SNX27: variants seen among roughly 807,000 people sequenced by gnomAD.
SNX27 encodes the protein sorting nexin 27, also known as sorting nexin-27.
In SNX27, 22 loss-of-function variants were observed where a neutral mutation model predicts 71.6. That is an observed-to-expected ratio of 0.31 (90% CI 0.22 to 0.44). The LOEUF (loss-of-function observed/expected upper bound fraction) is 0.44. Ranked by LOEUF, SNX27 falls within the 20% of genes least tolerant of loss-of-function variation. The probability of loss-of-function intolerance (pLI) is 1.00; values close to 1 mark genes in which losing one functional copy is unlikely to be tolerated. For synonymous variants in SNX27, 269 were observed against 277.2 expected, an observed-to-expected ratio of 0.97 and a Z score of 0.29; for missense variants, 531 against 698.6, an observed-to-expected ratio of 0.76 and a Z score of 2.70.
At chr1:151,684,417 C>T (rs192192299) in intron 8 of SNX27, among the ~76,000 whole-genome samples, 43 of 152,240 alleles carry the variant, frequency 2.8e-4, no homozygotes, top group African/African-American at 9.9e-4. Flanking sequence ...AAAGTTTTGC[C>T]GAACAGGGCT....
At chr1:151,633,682 C>G (rs184742313) in intron 1 of SNX27, among the ~76,000 whole-genome samples, 2 of 152,330 alleles carry the variant, frequency 1.3e-5, no homozygotes, top group Non-Finnish European at 2.9e-5. Context: ...ATAGTTTTGT[C>G]TATTCCAGAA....
At chr1:151,643,682 CAG>C (rs1668893027) in intron 2 of SNX27, among the ~76,000 whole-genome samples, 1 of 151,532 alleles carries the variant, frequency 6.6e-6, no homozygotes, top group African/African-American at 2.4e-5. Flanking sequence ...ATTTTTTAGA[CAG>C]AGTTTCGCTC....
intron 1 of SNX27, among the ~76,000 whole-genome samples, chr1:151,620,729 G>A (rs1478804578): frequency 1.4e-5 from 2 of 143,494 alleles, no homozygotes; most frequent in East Asian, 2.0e-4. Flanking sequence ...TTGCTCTGTC[G>A]CCTAGGCTGG....
chr1:151,637,393 A>T (rs1308424028), intron 1 of SNX27, among the ~76,000 whole-genome samples: 2 of 151,902 alleles, frequency 1.3e-5, no homozygotes, highest in Non-Finnish European at 2.9e-5. Flanking sequence ...TTAGCCAGGA[A>T]GGTCTTGATC....
intron 1 of SNX27, among the ~76,000 whole-genome samples, chr1:151,625,956 A>T (rs942664161): frequency 1.3e-5 from 2 of 151,802 alleles, no homozygotes; most frequent in African/African-American, 4.8e-5. Flanking sequence ...TCACCAAAAA[A>T]AAAATAAAAT....
intron 2 of SNX27, among the ~76,000 whole-genome samples, chr1:151,651,497 C>G (rs545699185): frequency 6.7e-5 from 10 of 149,652 alleles, no homozygotes; most frequent in African/African-American, 1.9e-4. Context: ...AGGCGGTTGC[C>G]GGGCAGAGGG....
At chr1:151,663,256 T>A (rs930553696) in intron 5 of SNX27, among the ~76,000 whole-genome samples, 1 of 151,892 alleles carries the variant, frequency 6.6e-6, no homozygotes, top group Non-Finnish European at 1.5e-5. Flanking sequence ...GTTCACGCTA[T>A]TCTCCTGCCT....
Position 151,663,173 on chromosome 1 carries a change from C to T in SNX27, c.906+903C>T, listed in dbSNP as rs555437103. Among the ~76,000 whole-genome samples, 4 of 145,890 alleles carry T rather than the reference C, an allele frequency of 2.7e-5. No homozygotes were observed. The East Asian group carries it at 6.0e-4, about 22-fold the overall frequency. ...TTTGATTTTTTTTTTTTTTTTGAGA[C>T]GGAGTCTTGCTCTGTCGCCCAGACT... On this transcript the variant is annotated intron_variant, in intron 5 of 11. Transcript: ENST00000458013.
chr1:151,698,966 T>C lies in SNX27; in HGVS notation c.*4549T>C, dbSNP rs1671916355. ...TACACAGACACAATAATGGCTAACA[T>C]TGTTTCTTTCATTCCTTGTTCTAGA... On this transcript the variant is annotated 3_prime_UTR_variant, in exon 12 of 12. Coordinates refer to ENST00000458013, the MANE Select transcript of SNX27 (RefSeq NM_001330723.2). 2 of 152,800 alleles carry C rather than the reference T, an allele frequency of 1.3e-5. No individual in the cohort carries two copies. The highest frequency in any genetic ancestry group is 4.1e-4 in the South Asian group (2 of 4,832). The allele number at this position is 152,800 out of a possible 1,614,324, so 9.5% of individuals were successfully genotyped here.
chr1:151,686,234 C>G (rs912964752), intron 8 of SNX27, among the ~76,000 whole-genome samples: 13 of 152,236 alleles, frequency 8.5e-5, no homozygotes, highest in Admixed American at 2.0e-4. Context: ...CACTATCTTT[C>G]CATCTATGTA....
chr1:151,667,129 G>C (rs1670222917), intron 6 of SNX27: 1 of 151,352 alleles, frequency 6.6e-6, no homozygotes, highest in Non-Finnish European at 1.5e-5. Context: ...GACACATGCA[G>C]GCGGTCCAAG....
At chr1:151,639,819 A>C (rs1187397549) in intron 2 of SNX27, among the ~76,000 whole-genome samples, 2 of 152,102 alleles carry the variant, frequency 1.3e-5, no homozygotes, top group Non-Finnish European at 2.9e-5. Flanking sequence ...CAGTCTACTT[A>C]ATTTTTCTTT....
intron 2 of SNX27, among the ~76,000 whole-genome samples, chr1:151,641,694 T>TATATATGATATATATAG (rs1668757463): frequency 3.1e-5 from 4 of 127,620 alleles, no homozygotes; most frequent in Admixed American, 8.7e-5. Flanking sequence ...GATATATATA[T>TATATATGATATATATAG]CATATATATG....
chr1:151,658,036 C>T (rs1202141778), intron 2 of SNX27, among the ~76,000 whole-genome samples, 199 bp from the exon 3 acceptor site: 4 of 151,986 alleles, frequency 2.6e-5, no homozygotes, highest in Non-Finnish European at 5.9e-5. Flanking sequence ...AGATCATGCT[C>T]CTTTGGTAGT....
chr1:151,652,217 A>ACCGTG (rs1364398767), intron 2 of SNX27, among the ~76,000 whole-genome samples: 7 of 65,538 alleles, frequency 1.1e-4, no homozygotes, highest in Non-Finnish European at 1.4e-4. Flanking sequence ...GGAGAGGGAG[A>ACCGTG]GGGAGAGGGA....
rs61159507 is a variant in SNX27 at position 151,692,406 on chromosome 1, C to CTTTT, written c.1240-6_1240-3dup. The CTTTT allele has an allele frequency of 1.7e-3, 1,426 of 854,478 alleles. 82 individuals carry two copies. Among genetic ancestry groups the CTTTT allele is most frequent in the South Asian group, 2.3e-3 (123 of 53,302 alleles). 52.9% of individuals were successfully genotyped at this position (854,478 alleles called of 1,614,324 possible). A position where few individuals can be genotyped will look rare whatever the true frequency, so the allele number is the denominator to read the frequency against. ...TAACCCTGTTTCCTGTTTCTCCTTC[C>CTTTT]TTTTTTTTTTTTTTTTTTTTTTTTT... On this transcript the variant is annotated intron_variant, in intron 8 of 11. Coordinates refer to ENST00000458013, the MANE Select transcript of SNX27 (RefSeq NM_001330723.2).
intron 8 of SNX27, among the ~76,000 whole-genome samples, chr1:151,686,442 TAGAC>T (rs1421029592): frequency 1.8e-4 from 28 of 152,376 alleles, no homozygotes; most frequent in Admixed American, 7.8e-4. Flanking sequence ...GTATAGTTGA[TAGAC>T]AGATATGTTT....
At chr1:151,617,862 T>C (rs1667490945) in intron 1 of SNX27, among the ~76,000 whole-genome samples, 1 of 149,476 alleles carries the variant, frequency 6.7e-6, no homozygotes, top group Admixed American at 6.9e-5. Flanking sequence ...CTTGAATATT[T>C]TCTCTTTTTA....
At chr1:151,656,572 C>T (rs1669701337) in intron 2 of SNX27, among the ~76,000 whole-genome samples, 1 of 152,178 alleles carries the variant, frequency 6.6e-6, no homozygotes, top group Non-Finnish European at 1.5e-5. Context: ...GGCATTATCT[C>T]CTGAGGTTGA....
Sources: allele counts gnomAD v4.1 joint callset (sites outside exome capture counted in the v4.1 genomes callset), GRCh38; gene constraint gnomAD v4.1.1; transcripts MANE v1.5; gene names NCBI Gene and HGNC (gene_info 2026-07-23, HGNC 2026-07-21).